Variants in VWDE observed in about 807,000 individuals in gnomAD.
The protein encoded by VWDE is von Willebrand factor D and EGF domain-containing protein.
VWDE carries 207 observed loss-of-function variants against 178.4 expected under a neutral mutation model. That is an observed-to-expected ratio of 1.16 (90% confidence interval 1.04 to 1.30). The LOEUF is 1.30. Ranked by LOEUF, VWDE falls within the 50% of genes most tolerant of loss-of-function variation. VWDE has a pLI of 0.00. For synonymous variants in VWDE, 738 were observed against 651.4 expected, an observed-to-expected ratio of 1.13 and a Z score of -2.02; for missense variants, 2,287 against 1,901.3, an observed-to-expected ratio of 1.20 and a Z score of -3.77.
chr7:12,386,327 G>A (rs1338628621), intron 3 of VWDE, among the ~76,000 whole-genome samples: 3 of 152,166 alleles, frequency 2.0e-5, no homozygotes, highest in African/African-American at 2.4e-5. Flanking sequence ...ATACTAAACT[G>A]AGCAGATGCT....
At chr7:12,352,847 T>C (rs1331903036) in intron 18 of VWDE, among the ~76,000 whole-genome samples, 1 of 152,208 alleles carries the variant, frequency 6.6e-6, no homozygotes, top group African/African-American at 2.4e-5. Flanking sequence ...CTTAGTTTTT[T>C]CTCTTTTAAT....
At chr7:12,360,194 G>A (rs1481843630) in intron 15 of VWDE, among the ~76,000 whole-genome samples, 1 of 152,038 alleles carries the variant, frequency 6.6e-6, no homozygotes, top group East Asian at 1.9e-4. Context: ...CCAAACATTT[G>A]AAAGAGATGC....
At chr7:12,392,291 C>T (rs848006) in intron 2 of VWDE, among the ~76,000 whole-genome samples, 74,545 of 151,972 alleles carry the variant, frequency 0.49, 18,899 homozygotes, top group African/African-American at 0.61. Flanking sequence ...GCAAAATAAA[C>T]GTCAGATTAA....
chr7:12,357,677 A>G (rs1014183452), intron 16 of VWDE, among the ~76,000 whole-genome samples, 162 bp from the exon 17 acceptor site: 5 of 151,948 alleles, frequency 3.3e-5, no homozygotes, highest in Non-Finnish European at 7.4e-5. Flanking sequence ...AGTAAGTTCA[A>G]TTCCATTCTT....
intron 26 of VWDE, 79 bp downstream of exon 26, chr7:12,336,909 A>G (rs1781064290): frequency 7.4e-7 from 1 of 1,352,254 alleles, no homozygotes; most frequent in Non-Finnish European, 9.9e-7. Context: ...CAAAAGTGAA[A>G]AAAATGCTCT....
At chr7:12,373,971 C>G (rs1259340558) in intron 9 of VWDE, among the ~76,000 whole-genome samples, 1 of 152,066 alleles carries the variant, frequency 6.6e-6, no homozygotes. Context: ...AGAACAGTCT[C>G]TATATATTGA....
At position 12,370,152 on chromosome 7, in the gene VWDE, C is replaced by G. The variant is rs949753328; in HGVS notation, c.2154G>C (p.Glu718Asp). Reference sequence around the variant, plus strand: ...CCAAATATTGTAGTGAATCTTCTTTCTCATTTCCAGGATGTTTTTGTACAT... The same window carrying G: ...CCAAATATTGTAGTGAATCTTCTTTGTCATTTCCAGGATGTTTTTGTACAT... ...GLNVQKHPGN[E>D]KEDSLQYLAN... Residue 718 changes from glutamate to aspartate, a missense_variant, in exon 12 of 29, where the codon GAG becomes GAC. Transcript: ENST00000275358. 22 of 1,551,354 alleles carry G rather than the reference C, an allele frequency of 1.4e-5. No individual in the cohort carries two copies. Among genetic ancestry groups the G allele is most frequent in the Non-Finnish European group, 1.7e-5 (20 of 1,146,896 alleles).
At chr7:12,367,799 A>C (rs1375839868) in intron 12 of VWDE, among the ~76,000 whole-genome samples, 1 of 152,132 alleles carries the variant, frequency 6.6e-6, no homozygotes, top group Non-Finnish European at 1.5e-5. Flanking sequence ...CACTACAATA[A>C]AGTACATTTT....
chr7:12,381,537 T>A (rs1313154930), intron 4 of VWDE, among the ~76,000 whole-genome samples: 1 of 152,066 alleles, frequency 6.6e-6, no homozygotes, highest in Admixed American at 6.5e-5. Flanking sequence ...TTTGGAAAAT[T>A]CTGGAAAGAC....
intron 3 of VWDE, among the ~76,000 whole-genome samples, chr7:12,383,898 C>T (rs1783974864): frequency 6.6e-6 from 1 of 152,058 alleles, no homozygotes; most frequent in Non-Finnish European, 1.5e-5. Context: ...GCAACAGGTG[C>T]TGGTGAGAAT....
Position 12,332,108 on chromosome 7 carries a change from G to A in VWDE, c.4759-911C>T, listed in dbSNP as rs375578767. Among the ~76,000 whole-genome samples, 240 of 152,050 alleles carry A rather than the reference G, an allele frequency of 1.6e-3. 2 individuals carry two copies. Among genetic ancestry groups the A allele is most frequent in the African/African-American group, 5.4e-3 (226 of 41,470 alleles). ...AAGGTTCTATGGATACCCATGGATG[G>A]TGATTGCTTTTTTCCCCACTAAAGA... is the stretch of plus-strand genomic sequence containing the variant. On this transcript the variant is annotated intron_variant, in intron 28 of 28. Transcript: ENST00000275358.
chr7:12,337,313 C>T, intron 24 of VWDE, 41 bp from the exon 25 acceptor site: 1 of 1,450,142 alleles, frequency 6.9e-7, no homozygotes, highest in Non-Finnish European at 9.5e-7. Flanking sequence ...TATTACACAT[C>T]CCATTACTAC....
In VWDE at chr7:12,357,291, C is replaced by T. The variant is rs1234346752; in HGVS notation, c.3499G>A (p.Asp1167Asn). Residue 1167 changes from aspartate (D) to asparagine (N), a missense_variant, in exon 17 of 29, where the codon GAT becomes AAT. Transcript: ENST00000275358. ...QITVRLNDDCDAETRVTIEVT... is the reference protein window; with the variant it reads ...QITVRLNDDCNAETRVTIEVT... ...TCAATCGTGACTCTAGTTTCAGCATCGCAGTCATCATTAAGGCGTACAGTA... is the reference window on the plus strand; with the variant it reads ...TCAATCGTGACTCTAGTTTCAGCATTGCAGTCATCATTAAGGCGTACAGTA... 6 of 1,552,242 alleles carry T rather than the reference C, an allele frequency of 3.9e-6. No individual in the cohort carries two copies. Among genetic ancestry groups the T allele is most frequent in the South Asian group, 2.4e-5 (2 of 84,054 alleles).
chr7:12,373,201 T>C lies in VWDE; in HGVS notation c.1363A>G (p.Met455Val). The C allele has an allele frequency of 4.5e-6, 7 of 1,551,398 alleles. No homozygotes were observed. Among genetic ancestry groups the C allele is most frequent in the Non-Finnish European group, 6.1e-6 (7 of 1,146,756 alleles). ...ACATGGACTTCAAAATCACGTGACA[T>C]ACTCTTATAAAGCACAAATGTTCCA... ...KTGTFVLYKS[M>V]SRDFEVHVRQ... Residue 455 changes from methionine to valine, a missense_variant, in exon 10 of 29, where the codon ATG becomes GTG. Transcript: ENST00000275358.
chr7:12,338,417 C>A (rs893593657), intron 24 of VWDE, among the ~76,000 whole-genome samples: 1 of 151,740 alleles, frequency 6.6e-6, no homozygotes, highest in Non-Finnish European at 1.5e-5. Context: ...TATATTCTTT[C>A]TACTACAAAA....
chr7:12,379,423 G>A (rs1367844794), intron 6 of VWDE, 54 bp downstream of exon 6: 8 of 1,344,512 alleles, frequency 6.0e-6, no homozygotes, highest in Non-Finnish European at 8.3e-6. Flanking sequence ...TCACAGTTTG[G>A]GAAACATAGT....
At chr7:12,392,793 C>G (rs1206686878) in intron 2 of VWDE, among the ~76,000 whole-genome samples, 1 of 134,740 alleles carries the variant, frequency 7.4e-6, no homozygotes, top group Non-Finnish European at 1.6e-5. Flanking sequence ...GTGAACGTTA[C>G]GTAAAGTTAA....
At chr7:12,394,687 G>A (rs1784545352) in intron 1 of VWDE, among the ~76,000 whole-genome samples, 1 of 152,036 alleles carries the variant, frequency 6.6e-6, no homozygotes, top group Admixed American at 6.6e-5. Context: ...TATCTTGTTG[G>A]CACAGTTGAT....
chr7:12,373,322 G>T, intron 9 of VWDE, 75 bp from the exon 10 acceptor site: 1 of 1,424,850 alleles, frequency 7.0e-7, no homozygotes, highest in Non-Finnish European at 9.5e-7. Flanking sequence ...ATTTGCAACA[G>T]CTTTATGTAT....
Sources: gnomAD v4.1 joint callset for allele counts (sites outside exome capture counted in the v4.1 genomes callset) on GRCh38, gnomAD v4.1.1 for gene constraint, MANE v1.5 for transcripts, NCBI Gene and HGNC (gene_info 2026-07-23, HGNC 2026-07-21) for gene names.